The following CCDC178 variants were observed in gnomAD, a reference collection of about 807,000 sequenced individuals.
CCDC178 encodes the protein coiled-coil domain-containing protein 178.
In CCDC178, 126 loss-of-function variants were observed where a neutral mutation model predicts 117.4. The ratio of observed to expected loss-of-function variants is 1.07; its 90% CI spans 0.93 to 1.24. The LOEUF is 1.24. Among genes scored for constraint, CCDC178 ranks in the 50% most tolerant of loss-of-function variants. CCDC178 has a pLI of 0.00. For missense variants in CCDC178, 1,030 were observed against 986.9 expected (o/e 1.04, Z -0.59); for synonymous variants, 283 against 313.4 (o/e 0.90, Z 1.02).
chr18:33,428,375 T>G (rs912604532), intron 2 of CCDC178, among the ~76,000 whole-genome samples: 1 of 152,158 alleles, frequency 6.6e-6, no homozygotes, highest in African/African-American at 2.4e-5. Flanking sequence ...CTGGCCCTAT[T>G]TTTGTAGAGA....
intron 3 of CCDC178, among the ~76,000 whole-genome samples, chr18:33,410,235 C>G (rs536257435): frequency 1.3e-5 from 2 of 152,284 alleles, no homozygotes; most frequent in South Asian, 4.1e-4. Context: ...GCATTATAAT[C>G]AACCCCAAAA....
chr18:33,016,071 T>C (rs1394722170), intron 21 of CCDC178, among the ~76,000 whole-genome samples: 1 of 152,072 alleles, frequency 6.6e-6, no homozygotes, highest in African/African-American at 2.4e-5. Flanking sequence ...AACCTCTAAA[T>C]ATAATAATCT....
At chr18:33,175,839 T>C (rs1201521353) in intron 20 of CCDC178, among the ~76,000 whole-genome samples, 2 of 152,196 alleles carry the variant, frequency 1.3e-5, no homozygotes, top group African/African-American at 4.8e-5. Context: ...TTTACTGTCA[T>C]TGGAATAACA....
chr18:33,192,514 G>GA (rs917431388), intron 20 of CCDC178, among the ~76,000 whole-genome samples: 2 of 151,984 alleles, frequency 1.3e-5, no homozygotes, highest in East Asian at 3.9e-4. Context: ...CGGAGAAAAA[G>GA]AAAAAAACAC....
chr18:33,075,402 C>A (rs1423919206), intron 21 of CCDC178, among the ~76,000 whole-genome samples: 1 of 151,954 alleles, frequency 6.6e-6, no homozygotes, highest in African/African-American at 2.4e-5. Flanking sequence ...TTCAAAAATA[C>A]CTTTCTGGAG....
chr18:33,122,327 T>C (rs1433540132), intron 20 of CCDC178, among the ~76,000 whole-genome samples: 2 of 152,144 alleles, frequency 1.3e-5, no homozygotes, highest in Non-Finnish European at 2.9e-5. Flanking sequence ...ATTGATTAAC[T>C]GATGCTCTGG....
intron 21 of CCDC178, among the ~76,000 whole-genome samples, chr18:33,010,236 C>G (rs1245719574): frequency 1.3e-5 from 2 of 152,054 alleles, no homozygotes; most frequent in African/African-American, 4.8e-5. Flanking sequence ...TGTGGAAGTT[C>G]CATTTCATAA....
intron 21 of CCDC178, among the ~76,000 whole-genome samples, chr18:33,011,545 T>C (rs1442783477): frequency 1.3e-5 from 2 of 151,712 alleles, no homozygotes; most frequent in Non-Finnish European, 2.9e-5. Flanking sequence ...TCCCACACCG[T>C]CCAGGCGAAA....
At chr18:33,376,342 C>G (rs2063365959) in intron 5 of CCDC178, among the ~76,000 whole-genome samples, 1 of 152,106 alleles carries the variant, frequency 6.6e-6, no homozygotes, top group East Asian at 1.9e-4. Context: ...TGAGAGGCTA[C>G]CTACTGTAAC....
intron 5 of CCDC178, among the ~76,000 whole-genome samples, chr18:33,384,872 C>A (rs2063476464): frequency 6.6e-6 from 1 of 152,064 alleles, no homozygotes; most frequent in African/African-American, 2.4e-5. Context: ...CAATATTAAC[C>A]TTAAATATAA....
chr18:33,257,581 T>C (rs1051921132), intron 14 of CCDC178, among the ~76,000 whole-genome samples: 6 of 152,166 alleles, frequency 3.9e-5, no homozygotes, highest in African/African-American at 1.4e-4. Context: ...GAATTTCCTT[T>C]ACTTGCCTGT....
At chr18:32,995,014 T>G (rs2055474031) in intron 21 of CCDC178, among the ~76,000 whole-genome samples, 1 of 152,344 alleles carries the variant, frequency 6.6e-6, no homozygotes, top group African/African-American at 2.4e-5. Flanking sequence ...AGCTCAGTTA[T>G]GCCAAGTTGA....
At chr18:33,034,222 C>A (rs9960087) in intron 21 of CCDC178, among the ~76,000 whole-genome samples, 1 of 151,818 alleles carries the variant, frequency 6.6e-6, no homozygotes, top group South Asian at 2.1e-4. Context: ...CAGACACCTT[C>A]TGCATTAGGC....
intron 12 of CCDC178, among the ~76,000 whole-genome samples, chr18:33,291,966 C>G (rs1478157276): frequency 6.6e-6 from 1 of 150,430 alleles, no homozygotes; most frequent in South Asian, 2.1e-4. Context: ...GTTGTTGGGA[C>G]TATAAATGAA....
chr18:33,102,133 C>T (rs1243547015), intron 20 of CCDC178, among the ~76,000 whole-genome samples: 1 of 151,640 alleles, frequency 6.6e-6, no homozygotes, highest in Non-Finnish European at 1.5e-5. Context: ...TGGTGCAAGT[C>T]CTTCAGAAAT....
At chr18:33,253,477 T>C (rs1305078375) in intron 14 of CCDC178, among the ~76,000 whole-genome samples, 2 of 151,790 alleles carry the variant, frequency 1.3e-5, no homozygotes, top group East Asian at 3.9e-4. Flanking sequence ...TTTTTAACCA[T>C]TAAATTATGT....
intron 22 of CCDC178, among the ~76,000 whole-genome samples, chr18:32,960,908 C>T (rs1054981410): frequency 1.4e-4 from 22 of 152,022 alleles, no homozygotes; most frequent in African/African-American, 5.3e-4. Context: ...TTTCAGATAT[C>T]TTTTTATTAT....
chr18:33,222,154 C>A (rs560235858), intron 18 of CCDC178, among the ~76,000 whole-genome samples: 2 of 152,048 alleles, frequency 1.3e-5, no homozygotes, highest in African/African-American at 4.8e-5. Flanking sequence ...AGATTCTAGC[C>A]GTTTAACAAA....
chr18:32,953,502 C>T (rs2054533524), intron 22 of CCDC178, among the ~76,000 whole-genome samples: 1 of 152,194 alleles, frequency 6.6e-6, no homozygotes, highest in South Asian at 2.1e-4. Flanking sequence ...ATTGCAAATA[C>T]AGCCTGTGTG....
Sources: allele counts gnomAD v4.1 joint callset (sites outside exome capture counted in the v4.1 genomes callset), GRCh38; gene constraint gnomAD v4.1.1; transcripts MANE v1.5; gene names NCBI Gene and HGNC (gene_info 2026-07-23, HGNC 2026-07-21).